The following ATP8A2 variants were observed in gnomAD, a reference collection of about 807,000 sequenced individuals.
ATP8A2 encodes phospholipid-transporting ATPase IB.
ATP8A2 carries 100 observed loss-of-function variants against 165.6 expected under a neutral mutation model. The observed-to-expected ratio is 0.60, with a 90% CI of 0.51 to 0.71. The LOEUF (loss-of-function observed/expected upper bound fraction) is 0.71, where lower values mean the gene tolerates loss of function less well. ATP8A2 is among the 30% of genes least tolerant of loss of function. The pLI is 0.00. For missense variants in ATP8A2, 1,227 were observed against 1,479.5 expected, an observed-to-expected ratio of 0.83 and a Z score of 2.80; for synonymous variants, 543 against 548.8, an observed-to-expected ratio of 0.99 and a Z score of 0.15.
At chr13:25,389,532 A>T (rs1224412342) in intron 1 of ATP8A2, among the ~76,000 whole-genome samples, 2 of 152,232 alleles carry the variant, frequency 1.3e-5, no homozygotes, top group African/African-American at 4.8e-5. Context: ...GTTGACTTAG[A>T]CACCCTGAGA....
chr13:25,454,164 C>T (rs749130724), intron 1 of ATP8A2, among the ~76,000 whole-genome samples: 4 of 152,112 alleles, frequency 2.6e-5, no homozygotes, highest in East Asian at 1.9e-4. Context: ...GGTCTCTTTG[C>T]GTTTGGCTCC....
Position 26,025,555 on chromosome 13 carries a change from G to C in ATP8A2, c.*5570G>C, listed in dbSNP as rs556967449. On this transcript the variant is annotated 3_prime_UTR_variant, in exon 37 of 37. Transcript: ENST00000381655. ...ATGCAGAGGGAAGCAGGGCTGTGGGGGCACGTTTAATTGGCTCCCAGCAGC... is the reference window on the plus strand; with the variant it reads ...ATGCAGAGGGAAGCAGGGCTGTGGGCGCACGTTTAATTGGCTCCCAGCAGC... 6.6e-6 allele frequency: 1 copy of C among 152,286 alleles called. No individual in the cohort carries two copies. The highest frequency in any genetic ancestry group is 2.4e-5 in the African/African-American group (1 of 41,448). The allele number at this position is 152,286 out of a possible 1,614,324, so 9.4% of individuals were successfully genotyped here. A position where few individuals can be genotyped will look rare whatever the true frequency, so the allele number is the denominator to read the frequency against.
intron 2 of ATP8A2, among the ~76,000 whole-genome samples, chr13:25,512,979 C>T (rs2037309045): frequency 1.5e-5 from 2 of 137,762 alleles, no homozygotes; most frequent in Admixed American, 7.2e-5. Flanking sequence ...CCACCTCCCT[C>T]CCGGACGGGG....
intron 27 of ATP8A2, among the ~76,000 whole-genome samples, chr13:25,789,615 T>C (rs898457804): frequency 6.6e-6 from 1 of 152,218 alleles, no homozygotes; most frequent in African/African-American, 2.4e-5. Context: ...CATTCCATGT[T>C]CATGGATAGG....
At chr13:25,574,664 T>C in intron 18 of ATP8A2, 144 bp from the exon 19 acceptor site, 1 of 657,482 alleles carries the variant, frequency 1.5e-6, no homozygotes, top group Non-Finnish European at 2.8e-6. Flanking sequence ...ACCAGACTTG[T>C]GAGAAAACAG....
chr13:25,745,879 T>C (rs974587196), intron 25 of ATP8A2, among the ~76,000 whole-genome samples: 2 of 152,298 alleles, frequency 1.3e-5, no homozygotes, highest in African/African-American at 2.4e-5. Context: ...CCAAAAATGG[T>C]ATTTTAGTAA....
At chr13:25,394,488 C>T (rs1354046479) in intron 1 of ATP8A2, among the ~76,000 whole-genome samples, 1 of 152,152 alleles carries the variant, frequency 6.6e-6, no homozygotes, top group African/African-American at 2.4e-5. Context: ...AGGCTGAATC[C>T]AGGCTGTGCC....
intron 2 of ATP8A2, among the ~76,000 whole-genome samples, chr13:25,506,940 CAT>C (rs59774160): frequency 0.032 from 4,144 of 128,624 alleles, 121 homozygotes; most frequent in Non-Finnish European, 0.036. Context: ...CAGTACAGTA[CAT>C]ATATATATAT....
At chr13:25,394,374 G>A (rs2033348619) in intron 1 of ATP8A2, among the ~76,000 whole-genome samples, 3 of 152,174 alleles carry the variant, frequency 2.0e-5, no homozygotes, top group Non-Finnish European at 2.9e-5. Context: ...CTTGCTTTGT[G>A]TAATTTTTGG....
At chr13:25,938,081 T>C (rs909220700) in intron 33 of ATP8A2, among the ~76,000 whole-genome samples, 85 of 151,916 alleles carry the variant, frequency 5.6e-4, no homozygotes, top group Admixed American at 5.4e-3. Flanking sequence ...TTGAAATATA[T>C]TGGAACGGGA....
intron 24 of ATP8A2, among the ~76,000 whole-genome samples, chr13:25,604,504 A>G (rs1353255543): frequency 2.0e-5 from 3 of 152,208 alleles, no homozygotes; most frequent in African/African-American, 7.2e-5. Flanking sequence ...GAGCAAATTA[A>G]TGGGTAACTT....
At chr13:25,704,075 A>G (rs1411147757) in intron 25 of ATP8A2, among the ~76,000 whole-genome samples, 1 of 152,216 alleles carries the variant, frequency 6.6e-6, no homozygotes, top group Non-Finnish European at 1.5e-5. Flanking sequence ...TAAAAAATGA[A>G]TCCTTTGAGC....
At chr13:25,534,218 A>G (rs1055937168) in intron 6 of ATP8A2, 1 of 532,700 alleles carries the variant, frequency 1.9e-6, no homozygotes, top group African/African-American at 1.9e-5. Context: ...TCTCCTTTAT[A>G]GTGTTTTACA....
chr13:25,498,033 G>A (rs1050185175), intron 2 of ATP8A2, among the ~76,000 whole-genome samples: 6 of 152,096 alleles, frequency 3.9e-5, no homozygotes, highest in Non-Finnish European at 8.8e-5. Flanking sequence ...ATTGTTGCCT[G>A]TTTCACCTGA....
At chr13:26,005,386 A>G (rs1211695679) in intron 35 of ATP8A2, among the ~76,000 whole-genome samples, 1 of 151,890 alleles carries the variant, frequency 6.6e-6, no homozygotes, top group Non-Finnish European at 1.5e-5. Context: ...TTGGAAAAAA[A>G]CAACTTTTAG....
At chr13:26,017,596 T>A (rs562669795) in intron 36 of ATP8A2, among the ~76,000 whole-genome samples, 1 of 152,280 alleles carries the variant, frequency 6.6e-6, no homozygotes, top group East Asian at 1.9e-4. Context: ...GCTGCTAATC[T>A]CTGATTAAGC....
intron 33 of ATP8A2, among the ~76,000 whole-genome samples, chr13:25,864,658 G>T (rs539073905): frequency 6.6e-5 from 10 of 152,328 alleles, no homozygotes; most frequent in African/African-American, 2.2e-4. Flanking sequence ...TTTAAAACAT[G>T]TCATTTTAAT....
intron 17 of ATP8A2, 76 bp from the exon 18 acceptor site, chr13:25,571,534 A>C (rs2039468156): frequency 8.9e-7 from 1 of 1,126,624 alleles, no homozygotes; most frequent in African/African-American, 1.5e-5. Context: ...GATTTTGTTA[A>C]TTTGAAAAGT....
chr13:25,400,620 C>T lies in ATP8A2; in HGVS notation c.76+28332C>T, dbSNP rs77545528. On this transcript the variant is annotated intron_variant, in intron 1 of 36. Transcript: ENST00000381655. ...TTCTGAACACCACTGAATCCTTTCC[C>T]GATGACTCCGGATTATTCTAATGCA... Among the ~76,000 whole-genome samples the T allele has an allele frequency of 3.0e-3, 458 of 152,302 alleles. 2 individuals are homozygous for T. Among genetic ancestry groups the T allele is most frequent in the African/African-American group, 0.01 (421 of 41,560 alleles).
Sources: gnomAD v4.1 joint callset for allele counts (sites outside exome capture counted in the v4.1 genomes callset) on GRCh38, gnomAD v4.1.1 for gene constraint, MANE v1.5 for transcripts, NCBI Gene and HGNC (gene_info 2026-07-23, HGNC 2026-07-21) for gene names.